The following PDILT variants were observed in gnomAD, a reference collection of about 807,000 sequenced individuals.
The protein encoded by PDILT is protein disulfide isomerase like, testis expressed, also known as protein disulfide-isomerase-like protein of the testis.
PDILT carries 43 observed loss-of-function variants against 53.7 expected under a neutral mutation model. That is an observed-to-expected ratio of 0.80 (90% CI 0.63 to 1.03). The LOEUF (loss-of-function observed/expected upper bound fraction) is 1.03, where lower values mean the gene tolerates loss of function less well. Ranked by LOEUF, PDILT falls within the 50% of genes least tolerant of loss-of-function variation. The pLI, the probability that PDILT is intolerant of heterozygous loss-of-function variation, is 0.00. For synonymous variants in PDILT, 282 were observed against 274.2 expected (o/e 1.03, Z -0.28); for missense variants, 727 against 712.3 (o/e 1.02, Z -0.24).
At chr16:20,359,668 G>C in intron 11 of PDILT, 101 bp from the exon 12 acceptor site, 3 of 1,201,418 alleles carry the variant, frequency 2.5e-6, no homozygotes, top group Non-Finnish European at 3.5e-6. Flanking sequence ...TAATAGTCAA[G>C]CCTACTTTTT....
chr16:20,362,361 C>T (rs1362920870), intron 10 of PDILT, 43 bp downstream of exon 10: 1 of 1,601,658 alleles, frequency 6.2e-7, no homozygotes, highest in Admixed American at 1.7e-5. Flanking sequence ...CTGATAATAA[C>T]ATAACATTGT....
chr16:20,400,042 CTATCTATCTATCTATATATA>C (rs1567333454), intron 1 of PDILT, among the ~76,000 whole-genome samples: 1 of 121,028 alleles, frequency 8.3e-6, no homozygotes, highest in African/African-American at 3.8e-5. Flanking sequence ...ATCTATCTAT[CTATCTATCTATCTATATATA>C]TATATATATA....
chr16:20,395,572 G>T (rs1966652491), intron 2 of PDILT, among the ~76,000 whole-genome samples: 1 of 152,170 alleles, frequency 6.6e-6, no homozygotes, highest in Non-Finnish European at 1.5e-5. Context: ...CACATAGTGT[G>T]TGAGATCAAC....
Position 20,365,401 on chromosome 16 carries a change from C to A in PDILT, c.1237+19G>T. 1 of 1,612,664 alleles carries A rather than the reference C, an allele frequency of 6.2e-7. No homozygotes were observed. Among genetic ancestry groups the A allele is most frequent in the Non-Finnish European group, 8.5e-7 (1 of 1,179,034 alleles). ...ATTTTGGCACCCGTTGCCTCAGAAC[C>A]CCTCTTGGAGATACTTACAGAACAT... On this transcript the variant is annotated intron_variant, in intron 9 of 11. Coordinates refer to ENST00000302451, the MANE Select transcript of PDILT (RefSeq NM_174924.2).
At chr16:20,392,453 T>G (rs1966616589) in intron 2 of PDILT, among the ~76,000 whole-genome samples, 1 of 152,168 alleles carries the variant, frequency 6.6e-6, no homozygotes, top group African/African-American at 2.4e-5. Context: ...CCATTAAGGA[T>G]CTGAGACTGG....
intron 3 of PDILT, among the ~76,000 whole-genome samples, chr16:20,379,596 T>C (rs1417336676): frequency 6.6e-6 from 1 of 152,220 alleles, no homozygotes; most frequent in Non-Finnish European, 1.5e-5. Context: ...ATTCCAGGCA[T>C]GAGTCACCAT....
chr16:20,363,475 ATGTG>A (rs10535681), intron 9 of PDILT, among the ~76,000 whole-genome samples: 327 of 110,262 alleles, frequency 3.0e-3, no homozygotes, highest in African/African-American at 5.1e-3. Context: ...GTGTATGTGT[ATGTG>A]TGTGTGTGTG....
chr16:20,362,504 G>T lies in PDILT; in HGVS notation c.1316C>A (p.Thr439Lys), dbSNP rs189278427. ...GACATCGATCTTGGCAATGATAATT[G>T]TGGAGTGGTTTTGATATTTTCTGCC... ...ELGRKYQNHS[T>K]IIIAKIDVTA... Residue 439 changes from threonine to lysine, a missense_variant, in exon 10 of 12, where the codon ACA becomes AAA. Coordinates refer to ENST00000302451, the MANE Select transcript of PDILT (RefSeq NM_174924.2). 6.2e-7 allele frequency: 1 copy of T among 1,614,148 alleles called. No individual in the cohort carries two copies. The highest frequency in any genetic ancestry group is 1.3e-5 in the African/African-American group (1 of 75,040).
At chr16:20,386,548 C>G (rs1966541475) in intron 2 of PDILT, among the ~76,000 whole-genome samples, 1 of 152,168 alleles carries the variant, frequency 6.6e-6, no homozygotes, top group African/African-American at 2.4e-5. Context: ...TGGCGAGGGC[C>G]CCGTTGCTGG....
intron 2 of PDILT, among the ~76,000 whole-genome samples, chr16:20,391,769 A>G (rs1320696442): frequency 6.6e-6 from 1 of 151,908 alleles, no homozygotes; most frequent in Non-Finnish European, 1.5e-5. Flanking sequence ...TGAGAGAGAG[A>G]GGTTAAAAAG....
At position 20,369,354 on chromosome 16, in the gene PDILT, A is replaced by T. The variant is rs1966265798; in HGVS notation, c.1116+138T>A. 4.2e-6 allele frequency: 4 copies of T among 960,988 alleles called. No homozygotes were observed. The South Asian group carries it at 4.6e-5, about 11-fold the overall frequency. The allele number at this position is 960,988 out of a possible 1,614,324, so 59.5% of individuals were successfully genotyped here. A position where few individuals can be genotyped will look rare whatever the true frequency, so the allele number is the denominator to read the frequency against. On this transcript the variant is annotated intron_variant, in intron 8 of 11. Transcript: ENST00000302451. ...TAGATTTGAGGTGGGGAGATGGGGG[A>T]TTTCCCCACATTGAGCCACAAAGTT...
chr16:20,387,795 A>AT (rs773202477), intron 2 of PDILT, among the ~76,000 whole-genome samples: 2 of 151,814 alleles, frequency 1.3e-5, no homozygotes, highest in South Asian at 2.1e-4. Flanking sequence ...TAATATTTGT[A>AT]TTTTTAGTAG....
At chr16:20,368,602 G>C (rs56167599) in intron 8 of PDILT, among the ~76,000 whole-genome samples, 1 of 109,930 alleles carries the variant, frequency 9.1e-6, no homozygotes, top group Non-Finnish European at 2.3e-5. Context: ...GACTTTTTTT[G>C]GGGGGGTGGT....
At chr16:20,400,414 C>CT (rs11343462) in intron 1 of PDILT, among the ~76,000 whole-genome samples, 65,618 of 129,926 alleles carry the variant, frequency 0.51, 18,801 homozygotes, top group Non-Finnish European at 0.65. Flanking sequence ...TCAGATGATA[C>CT]TTTTTTTTTT....
chr16:20,379,233 G>T (rs1966427492), intron 3 of PDILT, among the ~76,000 whole-genome samples: 2 of 151,712 alleles, frequency 1.3e-5, no homozygotes, highest in East Asian at 1.9e-4. Context: ...GGAGTGTAAG[G>T]GCTCAATCTT....
Position 20,399,106 on chromosome 16 carries a change from C to T in PDILT, c.195G>A (p.Val65=). The part of the protein sequence containing the change: ...QMLNQTRFLM[V]LFHNPSSKQS... Reference sequence around the variant, plus strand: ...CAGGATGGGGGCACTCACGGAAAAGCACCATGAGGAAGCGGGTCTGGTTCA... The same window carrying T: ...CAGGATGGGGGCACTCACGGAAAAGTACCATGAGGAAGCGGGTCTGGTTCA... The change falls in exon 2 of 12, where the codon GTG becomes GTA. Residue 65 remains valine, a synonymous_variant. Coordinates refer to ENST00000302451, the MANE Select transcript of PDILT (RefSeq NM_174924.2). 1 of 1,614,148 alleles carries T rather than the reference C, an allele frequency of 6.2e-7. No individual in the cohort carries two copies. The highest frequency in any genetic ancestry group is 8.5e-7 in the Non-Finnish European group (1 of 1,180,000).
chr16:20,366,971 CCTTCCTTCCTTCCTTCCTTTCTTT>C (rs1567320319), intron 8 of PDILT, among the ~76,000 whole-genome samples: 4 of 47,630 alleles, frequency 8.4e-5, no homozygotes, highest in South Asian at 4.9e-4. Flanking sequence ...TTCCTTCCTT[CCTTCCTTCCTTCCTTCCTTTCTTT>C]CTTTCTTTAT....
intron 3 of PDILT, among the ~76,000 whole-genome samples, chr16:20,377,102 T>A (rs538720486): frequency 4.5e-4 from 68 of 152,156 alleles, no homozygotes; most frequent in Non-Finnish European, 6.9e-4. Context: ...CTGGGCAACA[T>A]AGCGAGACAC....
At chr16:20,374,430 T>G (rs1357901820) in intron 5 of PDILT, among the ~76,000 whole-genome samples, 1 of 152,070 alleles carries the variant, frequency 6.6e-6, no homozygotes, top group African/African-American at 2.4e-5. Context: ...ATTATGACTT[T>G]GGGCTTAGCC....
Sources: allele counts gnomAD v4.1 joint callset (sites outside exome capture counted in the v4.1 genomes callset), GRCh38; gene constraint gnomAD v4.1.1; transcripts MANE v1.5; gene names NCBI Gene and HGNC (gene_info 2026-07-23, HGNC 2026-07-21).